Variants in CADPS2 observed in about 807,000 individuals in gnomAD.
CADPS2 encodes the protein calcium-dependent secretion activator 2.
Under a neutral mutation model 172.5 loss-of-function variants are expected in CADPS2, and 93 were observed. The observed-to-expected ratio is 0.54, with a 90% CI of 0.46 to 0.64. CADPS2 has a LOEUF of 0.64. Among genes scored for constraint, CADPS2 ranks in the 30% least tolerant of loss-of-function variants. The pLI, the probability that CADPS2 is intolerant of heterozygous loss-of-function variation, is 0.00. For missense variants in CADPS2, 1,420 were observed against 1,565.9 expected (o/e 0.91, Z 1.57); for synonymous variants, 546 against 555.2 (o/e 0.98, Z 0.23).
At chr7:122,751,868 T>C (rs2092966619) in intron 1 of CADPS2, among the ~76,000 whole-genome samples, 1 of 152,216 alleles carries the variant, frequency 6.6e-6, no homozygotes, top group Non-Finnish European at 1.5e-5. Flanking sequence ...GGTATGCCTT[T>C]GGCTCCTCCC....
chr7:122,872,363 AC>A (rs1301060635), intron 1 of CADPS2, among the ~76,000 whole-genome samples: 2 of 152,090 alleles, frequency 1.3e-5, no homozygotes, highest in African/African-American at 4.8e-5. Context: ...CCAGTTAAAA[AC>A]AATGAGATTC....
intron 4 of CADPS2, among the ~76,000 whole-genome samples, chr7:122,623,026 T>A (rs2075752064): frequency 6.6e-6 from 1 of 152,208 alleles, no homozygotes; most frequent in Admixed American, 6.5e-5. Flanking sequence ...TATTTCTTTT[T>A]AAAATAATTT....
intron 14 of CADPS2, among the ~76,000 whole-genome samples, chr7:122,457,625 C>A (rs1309497616): frequency 6.6e-6 from 1 of 152,192 alleles, no homozygotes; most frequent in Middle Eastern, 3.2e-3. Flanking sequence ...GTATAAATAG[C>A]ACTTCCAGAA....
At chr7:122,809,543 G>A (rs1332106480) in intron 1 of CADPS2, among the ~76,000 whole-genome samples, 1 of 149,636 alleles carries the variant, frequency 6.7e-6, no homozygotes, top group African/African-American at 2.5e-5. Context: ...TCGTGCCATT[G>A]CACTCCAGCC....
chr7:122,515,683 C>A (rs1373579704), intron 8 of CADPS2, among the ~76,000 whole-genome samples: 1 of 152,020 alleles, frequency 6.6e-6, no homozygotes, highest in East Asian at 1.9e-4. Context: ...AAACCATCAA[C>A]ACCACAAGCT....
rs926001440 is a variant in CADPS2, at chr7:122,318,761, T to A, written c.*1404A>T. On this transcript the variant is annotated 3_prime_UTR_variant, in exon 30 of 30. Transcript: ENST00000449022. ...TGCTAAATAGTAACTGTAGATTAAA[T>A]AGATTTTTAAGGCTAGTCTAGGTAC... 1 of 152,152 alleles carries A rather than the reference T, an allele frequency of 6.6e-6. No individual in the cohort carries two copies. Among genetic ancestry groups the A allele is most frequent in the Admixed American group, 6.5e-5 (1 of 15,282 alleles). The allele number at this position is 152,152 out of a possible 1,614,324, so 9.4% of individuals were successfully genotyped here. A position where few individuals can be genotyped will look rare whatever the true frequency, so the allele number is the denominator to read the frequency against.
At chr7:122,386,351 G>A in intron 24 of CADPS2, 2 of 1,218,918 alleles carry the variant, frequency 1.6e-6, no homozygotes, top group Admixed American at 2.9e-5. Context: ...TGATGAAAGA[G>A]AACAGAAGGG....
chr7:122,763,854 G>A (rs970167792), intron 1 of CADPS2, among the ~76,000 whole-genome samples: 7 of 152,102 alleles, frequency 4.6e-5, no homozygotes, highest in Non-Finnish European at 5.9e-5. Flanking sequence ...CATTCAGGGT[G>A]TTACAGCCAT....
At chr7:122,623,245 G>T (rs1397536317) in intron 4 of CADPS2, among the ~76,000 whole-genome samples, 2 of 151,448 alleles carry the variant, frequency 1.3e-5, no homozygotes, top group African/African-American at 4.9e-5. Context: ...GTGGGGCGGG[G>T]GAGGGAAGGA....
chr7:122,396,486 T>C (rs997846824), intron 20 of CADPS2, among the ~76,000 whole-genome samples: 2 of 152,164 alleles, frequency 1.3e-5, no homozygotes, highest in African/African-American at 4.8e-5. Context: ...AAACTAAGAA[T>C]GTCACTCCTA....
rs774219975 is a variant in CADPS2, at chr7:122,320,250, A to G, written c.3806T>C (p.Val1269Ala). 4 of 1,613,442 alleles carry G rather than the reference A, an allele frequency of 2.5e-6. No individual in the cohort carries two copies. The highest frequency in any genetic ancestry group is 3.4e-6 in the Non-Finnish European group (4 of 1,179,698). Reference sequence around the variant, plus strand: ...TGAAACAGAGGCTGTGGCCTCCTCTACTGTTAAACGTCTGTGCACAGTATC... The same window carrying G: ...TGAAACAGAGGCTGTGGCCTCCTCTGCTGTTAAACGTCTGTGCACAGTATC... ...TYDTVHRRLTVEEATASVSEG... is the reference protein window; with the variant it reads ...TYDTVHRRLTAEEATASVSEG... The change falls in exon 30 of 30, where the codon GTA (valine) becomes GCA (alanine). Residue 1269 changes from valine to alanine, a missense_variant. Transcript: ENST00000449022.
rs192404019 is a variant in CADPS2, at chr7:122,404,921, C to T, written c.2746+2619G>A. Among the ~76,000 whole-genome samples the T allele has an allele frequency of 8.4e-4, 127 of 151,692 alleles. 3 individuals carry two copies. The highest frequency in any genetic ancestry group is 2.6e-3 in the African/African-American group (109 of 41,338). On this transcript the variant is annotated intron_variant, in intron 20 of 29. Coordinates refer to ENST00000449022, the MANE Select transcript of CADPS2 (RefSeq NM_017954.11). The stretch of plus-strand genomic sequence containing the variant: ...TGGGGGGATCAGGAGGTCAGGAGAT[C>T]GAGACCATCCCTGGCTAGCACGGTG...
chr7:122,375,105 A>T (rs1194421515), intron 25 of CADPS2, among the ~76,000 whole-genome samples: 1 of 152,180 alleles, frequency 6.6e-6, no homozygotes, highest in Non-Finnish European at 1.5e-5. Context: ...ATTATAGTCA[A>T]AATGTCCATA....
chr7:122,556,132 A>G (rs1271045495), intron 7 of CADPS2, among the ~76,000 whole-genome samples: 1 of 152,132 alleles, frequency 6.6e-6, no homozygotes, highest in Non-Finnish European at 1.5e-5. Flanking sequence ...CAATGTTTTC[A>G]CAATTATGAT....
chr7:122,384,560 T>G (rs1378135204), intron 24 of CADPS2, among the ~76,000 whole-genome samples: 1 of 152,088 alleles, frequency 6.6e-6, no homozygotes, highest in African/African-American at 2.4e-5. Flanking sequence ...CCTATGCAAT[T>G]ATGTGGGTAT....
At chr7:122,849,391 T>C (rs749969904) in intron 1 of CADPS2, among the ~76,000 whole-genome samples, 12 of 152,232 alleles carry the variant, frequency 7.9e-5, no homozygotes, top group South Asian at 4.1e-4. Flanking sequence ...TCTTAGGGCA[T>C]AGAAGAATTC....
chr7:122,487,011 C>CTTT (rs535575706), intron 11 of CADPS2, among the ~76,000 whole-genome samples: 12 of 123,250 alleles, frequency 9.7e-5, no homozygotes, highest in South Asian at 2.6e-4. Flanking sequence ...ATAAACATAA[C>CTTT]TTTTTTTTTT....
intron 20 of CADPS2, among the ~76,000 whole-genome samples, chr7:122,402,404 C>T (rs1406826761): frequency 1.3e-5 from 2 of 152,134 alleles, no homozygotes; most frequent in Non-Finnish European, 2.9e-5. Flanking sequence ...GCTGTCAAGC[C>T]CCCCGCCCGA....
intron 1 of CADPS2, among the ~76,000 whole-genome samples, chr7:122,863,084 T>C (rs1418268018): frequency 6.6e-6 from 1 of 152,170 alleles, no homozygotes. Flanking sequence ...AAATGAAGGC[T>C]GATACAAGCA....
Sources: allele counts gnomAD v4.1 joint callset (sites outside exome capture counted in the v4.1 genomes callset), GRCh38; gene constraint gnomAD v4.1.1; transcripts MANE v1.5; gene names NCBI Gene and HGNC (gene_info 2026-07-23, HGNC 2026-07-21).